Variants in RBFOX1 observed in about 807,000 individuals in gnomAD.
RBFOX1 encodes the protein RNA binding fox-1 homolog 1, also known as RNA binding protein fox-1 homolog 1.
In RBFOX1, 8 loss-of-function variants were observed where a neutral mutation model predicts 57.7. That is an observed-to-expected ratio of 0.14 (90% CI 0.08 to 0.25). RBFOX1 has a LOEUF of 0.25. Among genes scored for constraint, RBFOX1 ranks in the 10% least tolerant of loss-of-function variants. The pLI, the probability that RBFOX1 is intolerant of heterozygous loss-of-function variation, is 1.00. For synonymous variants in RBFOX1, 326 were observed against 222.4 expected, an observed-to-expected ratio of 1.47 and a Z score of -4.15; for missense variants, 611 against 548.5, an observed-to-expected ratio of 1.11 and a Z score of -1.14.
intron 3 of RBFOX1, among the ~76,000 whole-genome samples, chr16:6,958,238 G>C (rs1259250154): frequency 1.3e-5 from 2 of 152,192 alleles, no homozygotes; most frequent in Admixed American, 1.3e-4. Context: ...GCTGAGCCCT[G>C]CACGATGCAG....
At chr16:5,959,805 C>G (rs1242812143) in intron 4 of RBFOX1, among the ~76,000 whole-genome samples, 1 of 152,156 alleles carries the variant, frequency 6.6e-6, no homozygotes, top group Non-Finnish European at 1.5e-5. Context: ...GAGCAAGACT[C>G]TATCTGAAGA....
intron 3 of RBFOX1, among the ~76,000 whole-genome samples, chr16:7,026,097 A>T (rs2040838707): frequency 6.6e-6 from 1 of 152,164 alleles, no homozygotes; most frequent in Non-Finnish European, 1.5e-5. Context: ...CTATGTGGGC[A>T]GGACTATGGT....
At chr16:7,301,540 G>A (rs72769254) in intron 4 of RBFOX1, among the ~76,000 whole-genome samples, 181 of 152,276 alleles carry the variant, frequency 1.2e-3, no homozygotes, top group Non-Finnish European at 2.2e-3. Context: ...GGGAGAAAAC[G>A]GACTGGAAAA....
intron 3 of RBFOX1, among the ~76,000 whole-genome samples, chr16:6,977,937 GAA>G (rs1555705863): frequency 6.3e-5 from 5 of 79,462 alleles, no homozygotes; most frequent in African/African-American, 1.3e-4. Flanking sequence ...CCTCCCCAGG[GAA>G]AAAAAAAAAA....
At chr16:6,407,596 G>GAGAGAGAGAGAGAGAC (rs71386523) in intron 2 of RBFOX1, among the ~76,000 whole-genome samples, 1 of 146,088 alleles carries the variant, frequency 6.8e-6, no homozygotes, top group African/African-American at 2.6e-5. Context: ...AGAGAGAGAA[G>GAGAGAGAGAGAGAGAC]TACATTCTAT....
chr16:7,232,673 C>G (rs959416829), intron 4 of RBFOX1, among the ~76,000 whole-genome samples: 1 of 151,914 alleles, frequency 6.6e-6, no homozygotes, highest in Admixed American at 6.6e-5. Flanking sequence ...GAAACCCTGT[C>G]TCTACTAAAA....
rs145061586 is a variant in RBFOX1, at chr16:6,244,763, C to G, written c.-126-72232C>G. Among the ~76,000 whole-genome samples, 139 of 152,284 alleles carry G rather than the reference C, an allele frequency of 9.1e-4. 1 individual carries two copies. Among genetic ancestry groups the G allele is most frequent in the Middle Eastern group, 3.4e-3 (1 of 294 alleles). On this transcript the variant is annotated intron_variant, in intron 1 of 15. Transcript: ENST00000550418. ...GACCTCGTGATCCACCTTCCTTGACCTCCCAAAGTGCTGGGATTACAGGCG... is the reference window on the plus strand; with the variant it reads ...GACCTCGTGATCCACCTTCCTTGACGTCCCAAAGTGCTGGGATTACAGGCG...
At chr16:7,663,940 T>C (rs2068485046) in intron 12 of RBFOX1, among the ~76,000 whole-genome samples, 1 of 152,204 alleles carries the variant, frequency 6.6e-6, no homozygotes, top group African/African-American at 2.4e-5. Context: ...AAAAAGCTTC[T>C]GGGGAATCAT....
In RBFOX1 at chr16:6,066,293, C is replaced by CAAAAAA. The variant is rs372412356; in HGVS notation, c.-127+46323_-127+46328dup. ...CTGACTACAGAGCAAGACTCTGTCT[C>CAAAAAA]AAAAAAAAAAAAAAAAAAAAAAAAA... is the stretch of plus-strand genomic sequence containing the variant. On this transcript the variant is annotated intron_variant, in intron 1 of 15. Transcript: ENST00000550418. 4.0e-4 allele frequency among the ~76,000 whole-genome samples: 20 copies of CAAAAAA among 50,378 alleles called. 3 individuals carry two copies. Among genetic ancestry groups the CAAAAAA allele is most frequent in the South Asian group, 1.0e-3 (1 of 988 alleles). 33.0% of individuals were successfully genotyped at this position (50,378 alleles called of 152,430 possible).
intron 4 of RBFOX1, among the ~76,000 whole-genome samples, chr16:7,227,325 C>G (rs989204578): frequency 1.5e-5 from 2 of 131,048 alleles, no homozygotes; most frequent in African/African-American, 2.6e-5. Context: ...GAGGAATTTG[C>G]GTTTGCTTTG....
intron 3 of RBFOX1, among the ~76,000 whole-genome samples, chr16:7,040,541 G>GAA (rs1393567411): frequency 1.3e-5 from 2 of 151,580 alleles, no homozygotes; most frequent in African/African-American, 4.9e-5. Context: ...TTAAAAATGA[G>GAA]AAAACCTGCT....
At chr16:6,745,287 A>G (rs1237631441) in intron 3 of RBFOX1, among the ~76,000 whole-genome samples, 1 of 152,128 alleles carries the variant, frequency 6.6e-6, no homozygotes, top group East Asian at 1.9e-4. Flanking sequence ...TACATTTCCC[A>G]ATCCATTCTA....
chr16:6,505,043 A>G (rs1001156713), intron 2 of RBFOX1, among the ~76,000 whole-genome samples: 2 of 152,204 alleles, frequency 1.3e-5, no homozygotes, highest in African/African-American at 2.4e-5. Flanking sequence ...GCTCTACTCC[A>G]TCTTGGGCAA....
At chr16:7,053,953 C>T (rs999305144) in intron 4 of RBFOX1, among the ~76,000 whole-genome samples, 2 of 151,928 alleles carry the variant, frequency 1.3e-5, no homozygotes. Context: ...TTAAATAGTA[C>T]CAAAGAGAGT....
intron 4 of RBFOX1, among the ~76,000 whole-genome samples, chr16:7,506,771 T>C (rs1197065652): frequency 7.2e-6 from 1 of 138,010 alleles, no homozygotes; most frequent in East Asian, 2.5e-4. Context: ...CTCAGTTTTC[T>C]TATCTGCCAA....
intron 3 of RBFOX1, among the ~76,000 whole-genome samples, chr16:5,826,677 A>T (rs2056067072): frequency 6.6e-6 from 1 of 152,244 alleles, no homozygotes. Flanking sequence ...ACTAATAGTT[A>T]TTAGATTCAC....
At chr16:7,468,345 C>T (rs2060905326) in intron 4 of RBFOX1, among the ~76,000 whole-genome samples, 1 of 152,106 alleles carries the variant, frequency 6.6e-6, no homozygotes, top group Admixed American at 6.6e-5. Flanking sequence ...AATTCTTCTC[C>T]CCTGCGTGTA....
At chr16:7,625,059 G>T (rs2059879681) in intron 10 of RBFOX1, among the ~76,000 whole-genome samples, 1 of 152,142 alleles carries the variant, frequency 6.6e-6, no homozygotes, top group Admixed American at 6.5e-5. Flanking sequence ...GCTTGAGGAG[G>T]CGGTGTCTGA....
intron 3 of RBFOX1, among the ~76,000 whole-genome samples, chr16:6,980,848 G>T (rs2088585920): frequency 6.6e-6 from 1 of 151,990 alleles, no homozygotes; most frequent in South Asian, 2.1e-4. Flanking sequence ...TTCAAAACCA[G>T]TCTGGCTAAC....
Sources: gnomAD v4.1 joint callset for allele counts (sites outside exome capture counted in the v4.1 genomes callset) on GRCh38, gnomAD v4.1.1 for gene constraint, MANE v1.5 for transcripts, NCBI Gene and HGNC (gene_info 2026-07-23, HGNC 2026-07-21) for gene names.